USPL1: variants seen among roughly 807,000 people sequenced by gnomAD.
USPL1 encodes SUMO-specific isopeptidase USPL1.
In USPL1, 27 loss-of-function variants were observed where a neutral mutation model predicts 51.5. That is an observed-to-expected ratio of 0.52 (90% CI 0.39 to 0.72). The LOEUF (loss-of-function observed/expected upper bound fraction) is 0.72, where lower values mean the gene tolerates loss of function less well. Among genes scored for constraint, USPL1 ranks in the 30% least tolerant of loss-of-function variants. The probability of loss-of-function intolerance (pLI) is 0.00; values close to 1 mark genes in which losing one functional copy is unlikely to be tolerated. For missense variants in USPL1, 1,226 were observed against 1,268.0 expected (o/e 0.97, Z 0.50); for synonymous variants, 451 against 459.6 (o/e 0.98, Z 0.24).
chr13:30,642,826 T>C (rs1566055175), intron 6 of USPL1, 69 bp downstream of exon 6: 1 of 1,550,338 alleles, frequency 6.5e-7, no homozygotes, highest in East Asian at 2.3e-5. Context: ...GAGAACAATT[T>C]GAGCACCAGA....
intron 8 of USPL1, among the ~76,000 whole-genome samples, chr13:30,653,670 G>A (rs1951121858): frequency 6.6e-6 from 1 of 151,814 alleles, no homozygotes; most frequent in South Asian, 2.1e-4. Context: ...GACTTACGTA[G>A]CCCTTCTGTC....
chr13:30,653,403 C>G, intron 8 of USPL1, 98 bp downstream of exon 8: 1 of 1,251,704 alleles, frequency 8.0e-7, no homozygotes, highest in Non-Finnish European at 1.1e-6. Flanking sequence ...AAAAGACAAA[C>G]TTTGTCCTGA....
intron 8 of USPL1, among the ~76,000 whole-genome samples, chr13:30,654,933 CAT>C (rs1951140595): frequency 6.6e-6 from 1 of 151,564 alleles, no homozygotes; most frequent in African/African-American, 2.4e-5. Flanking sequence ...TATATCAGAT[CAT>C]ATATATATGT....
intron 7 of USPL1, 71 bp from the exon 8 acceptor site, chr13:30,653,077 C>G: frequency 1.4e-6 from 2 of 1,447,452 alleles, no homozygotes; most frequent in Non-Finnish European, 9.3e-7. Flanking sequence ...TAGTTCACTT[C>G]AGACATCTTT....
chr13:30,625,592 T>C (rs1180994437), intron 3 of USPL1, among the ~76,000 whole-genome samples: 3 of 151,926 alleles, frequency 2.0e-5, no homozygotes, highest in Non-Finnish European at 4.4e-5. Flanking sequence ...ATTACAGGCA[T>C]GTGCCACCCA....
At chr13:30,625,419 A>AT (rs1438547601) in intron 3 of USPL1, among the ~76,000 whole-genome samples, 2 of 144,636 alleles carry the variant, frequency 1.4e-5, no homozygotes, top group African/African-American at 5.2e-5. Flanking sequence ...TACTACATAG[A>AT]TTTTTAGTTG....
chr13:30,630,811 T>C (rs17608899), intron 3 of USPL1, 24 bp from the exon 4 acceptor site: 67,268 of 1,550,676 alleles, frequency 0.043, 1,645 homozygotes, highest in Non-Finnish European at 0.05. Context: ...GTGTAGTTTT[T>C]ATCATTTTAT....
At chr13:30,648,553 C>T (rs1319742915) in intron 7 of USPL1, among the ~76,000 whole-genome samples, 1 of 152,174 alleles carries the variant, frequency 6.6e-6, no homozygotes, top group African/African-American at 2.4e-5. Context: ...GAAAAATAAG[C>T]TCTTCTTTGT....
intron 3 of USPL1, among the ~76,000 whole-genome samples, chr13:30,626,585 C>T (rs550340140): frequency 4.2e-4 from 64 of 152,238 alleles, no homozygotes; most frequent in Middle Eastern, 6.8e-3. Context: ...TGTATAAGTC[C>T]TCTGAATCAA....
chr13:30,621,955 A>AAAAC, intron 3 of USPL1, 63 bp downstream of exon 3: 1 of 1,178,960 alleles, frequency 8.5e-7, no homozygotes, highest in Non-Finnish European at 1.1e-6. Flanking sequence ...TTTTTTATTA[A>AAAAC]TTGTTTTAAA....
intron 4 of USPL1, among the ~76,000 whole-genome samples, chr13:30,636,744 C>T (rs770155194): frequency 2.0e-5 from 3 of 152,214 alleles, no homozygotes; most frequent in East Asian, 3.9e-4. Context: ...ATTAATAAAG[C>T]GATGTTTCAG....
At chr13:30,652,919 A>T (rs971450255) in intron 7 of USPL1, among the ~76,000 whole-genome samples, 5 of 152,238 alleles carry the variant, frequency 3.3e-5, no homozygotes, top group African/African-American at 4.8e-5. Flanking sequence ...ATACTGCATG[A>T]TGACTTCCAA....
rs1235828970 is a variant in USPL1 at position 30,659,142 on chromosome 13, A to G, written c.3065A>G (p.Gln1022Arg). The change falls in exon 9 of 9, where the codon CAG becomes CGG. Residue 1022 changes from glutamine to arginine, a missense_variant. Physicochemically the swap from Gln to Arg is conservative, Grantham distance 43. Coordinates refer to ENST00000255304, the MANE Select transcript of USPL1 (RefSeq NM_005800.5). The part of the protein sequence containing the change: ...NDVSQNTHLR[Q>R]DHNYCSPTKK... ...GTTTCCCAGAACACACATCTGAGACAGGACCATAATTATTGTAGCCCCACC... is the reference window on the plus strand; with the variant it reads ...GTTTCCCAGAACACACATCTGAGACGGGACCATAATTATTGTAGCCCCACC... The G allele has an allele frequency of 1.2e-6, 2 of 1,614,230 alleles. No homozygotes were observed. The highest frequency in any genetic ancestry group is 1.7e-5 in the Admixed American group (1 of 60,024).
Position 30,659,599 on chromosome 13 carries a change from A to T in USPL1, c.*243A>T. 2.7e-6 allele frequency: 1 copy of T among 373,796 alleles called. No homozygotes were observed. The highest frequency in any genetic ancestry group is 6.6e-5 in the South Asian group (1 of 15,076). The allele number at this position is 373,796 out of a possible 1,614,324, so 23.2% of individuals were successfully genotyped here. A position where few individuals can be genotyped will look rare whatever the true frequency, so the allele number is the denominator to read the frequency against. On this transcript the variant is annotated 3_prime_UTR_variant, in exon 9 of 9. Transcript: ENST00000255304. ...CTTGTGAGAGTATGAGGATTTCAAA[A>T]TGTTAAAGATGAAAAGTGGCGTCTA...
chr13:30,659,166 C>A lies in USPL1; in HGVS notation c.3089C>A (p.Thr1030Asn). 6.2e-7 allele frequency: 1 copy of A among 1,614,056 alleles called. No homozygotes were observed. Among genetic ancestry groups the A allele is most frequent in the Non-Finnish European group, 8.5e-7 (1 of 1,180,010 alleles). The part of the protein sequence containing the change: ...LRQDHNYCSP[T>N]KKNPCEVQPD... ...CAGGACCATAATTATTGTAGCCCCA[C>A]CAAGAAAAATCCATGTGAAGTTCAG... The change falls in exon 9 of 9, where the codon ACC becomes AAC. Residue 1030 changes from threonine to asparagine, a missense_variant. Coordinates refer to ENST00000255304, the MANE Select transcript of USPL1 (RefSeq NM_005800.5).
intron 8 of USPL1, among the ~76,000 whole-genome samples, chr13:30,655,837 G>A (rs1194736042): frequency 1.3e-5 from 2 of 152,196 alleles, no homozygotes; most frequent in Admixed American, 6.5e-5. Context: ...TAGTAAGTGC[G>A]ATGGTGTTTG....
chr13:30,636,404 A>C (rs1010170904), intron 4 of USPL1, among the ~76,000 whole-genome samples: 2 of 151,824 alleles, frequency 1.3e-5, no homozygotes, highest in Non-Finnish European at 2.9e-5. Flanking sequence ...CTTATTTCAT[A>C]TTACAGGAGA....
chr13:30,641,689 G>T (rs1227957834), intron 5 of USPL1, among the ~76,000 whole-genome samples: 1 of 152,216 alleles, frequency 6.6e-6, no homozygotes, highest in African/African-American at 2.4e-5. Context: ...CAAATCTTCA[G>T]TTGTAAAGTT....
chr13:30,645,078 G>C (rs1339007413), intron 6 of USPL1, among the ~76,000 whole-genome samples: 1 of 152,192 alleles, frequency 6.6e-6, no homozygotes, highest in Non-Finnish European at 1.5e-5. Context: ...ATGACACACT[G>C]TAAGTGGCAG....
Sources: gnomAD v4.1 joint callset for allele counts (sites outside exome capture counted in the v4.1 genomes callset) on GRCh38, gnomAD v4.1.1 for gene constraint, MANE v1.5 for transcripts, NCBI Gene and HGNC (gene_info 2026-07-23, HGNC 2026-07-21) for gene names.